SPEG: variants seen among roughly 807,000 people sequenced by gnomAD.
SPEG encodes striated muscle enriched protein kinase, also known as striated muscle preferentially expressed protein kinase.
In SPEG, 114 loss-of-function variants were observed where a neutral mutation model predicts 300.4. That is an observed-to-expected ratio of 0.38 (90% CI 0.33 to 0.44). The LOEUF is 0.44. Among genes scored for constraint, SPEG ranks in the 20% least tolerant of loss-of-function variants. The probability of loss-of-function intolerance (pLI) is 1.00; values close to 1 mark genes in which losing one functional copy is unlikely to be tolerated. For synonymous variants in SPEG, 1,964 were observed against 2,018.9 expected (o/e 0.97, Z 0.73); for missense variants, 4,201 against 4,586.2 (o/e 0.92, Z 2.43).
At position 219,477,206 on chromosome 2, in the gene SPEG, G is replaced by GGAGATGAGGCCCTGGCCCCAAGGTA. The variant is rs1435596820; in HGVS notation, c.4561-59_4561-35dup. ...GGTGAGAGATGCGCTGCCCAGAGTAGGAGATGAGGCCCTGGCCCCAAGGTA... is the reference window on the plus strand; with the variant it reads ...GGTGAGAGATGCGCTGCCCAGAGTAGGAGATGAGGCCCTGGCCCCAAGGTAGAGATGAGGCCCTGGCCCCAAGGTA... On this transcript the variant is annotated intron_variant, in intron 19 of 40. Transcript: ENST00000312358. This position sits in a 1 kb window ranked among gnomAD's most constrained non-coding sequence, Gnocchi z 6.4. 4 of 1,505,558 alleles carry GGAGATGAGGCCCTGGCCCCAAGGTA rather than the reference G, an allele frequency of 2.7e-6. No homozygotes were observed. The African/African-American group carries it at 5.6e-5, about 21-fold the overall frequency. The allele number at this position is 1,505,558 out of a possible 1,614,324, so 93.3% of individuals were successfully genotyped here.
In SPEG at chr2:219,488,887, G is replaced by A. The variant is rs773896389; in HGVS notation, c.8136G>A (p.Glu2712=). 1 of 1,584,104 alleles carries A rather than the reference G, an allele frequency of 6.3e-7. No homozygotes were observed. The highest frequency in any genetic ancestry group is 1.1e-5 in the South Asian group (1 of 87,844). ...DSRAPCTYTL[E]RRVDGESVWH... ...GGGCACCTTGCACGTATACGCTGGA[G>A]CGGCGAGTGGATGGTGAGGATGGGG... is the stretch of plus-strand genomic sequence containing the variant. The change falls in exon 34 of 41, where the codon GAG becomes GAA. Residue 2712 remains glutamate, a synonymous_variant. Transcript: ENST00000312358.
In SPEG at chr2:219,444,490, G is replaced by T. The variant is rs1247250053; in HGVS notation, c.389-163G>T. Among the ~76,000 whole-genome samples the T allele has an allele frequency of 6.6e-6, 1 of 152,170 alleles. No homozygotes were observed. Among genetic ancestry groups the T allele is most frequent in the East Asian group, 1.9e-4 (1 of 5,186 alleles). On this transcript the variant is annotated intron_variant, in intron 1 of 40. Coordinates refer to ENST00000312358, the MANE Select transcript of SPEG (RefSeq NM_005876.5). The surrounding 1 kb of genome is among the most constrained non-coding windows in gnomAD (Gnocchi z 7.8). The stretch of plus-strand genomic sequence containing the variant: ...GGCATGGGAGGGGTTATCCTGAGCA[G>T]CCCAGGCTGGGCAGGGGATGTGGGG...
At chr2:219,492,390 C>T (rs1694055121) in intron 40 of SPEG, 130 bp downstream of exon 40, 16 of 1,193,246 alleles carry the variant, frequency 1.3e-5, no homozygotes, top group Non-Finnish European at 1.9e-5. Flanking sequence ...TCATACTACC[C>T]ACCATTTAAA....
At chr2:219,461,442 A>G (rs2125396992) in intron 6 of SPEG, 40 of 1,029,082 alleles carry the variant, frequency 3.9e-5, no homozygotes, top group Non-Finnish European at 4.5e-5. Context: ...GGCCCAGCTC[A>G]CCCAAGAAAT....
chr2:219,461,976 G>A lies in SPEG; in HGVS notation c.2535G>A (p.Pro845=), dbSNP rs752578325. The A allele has an allele frequency of 6.8e-6, 11 of 1,613,418 alleles. No homozygotes were observed. In the African/African-American group the frequency reaches 9.4e-5, roughly 14 times the overall value. ...TCCCAGAGCCTGGGGAGACCTGGCC[G>A]CGAACCCCCACCATGAAGCCCAGTC... ...EEFPEPGETW[P]RTPTMKPSPS... is the part of the protein sequence containing the mutation. The change falls in exon 7 of 41, where the codon CCG becomes CCA. Residue 845 remains proline (P), a synonymous_variant. Coordinates refer to ENST00000312358, the MANE Select transcript of SPEG (RefSeq NM_005876.5).
chr2:219,448,992 C>A lies in SPEG; in HGVS notation c.1834C>A (p.Pro612Thr). 1 of 1,481,828 alleles carries A rather than the reference C, an allele frequency of 6.7e-7. No individual in the cohort carries two copies. The allele number at this position is 1,481,828 out of a possible 1,614,324, so 91.8% of individuals were successfully genotyped here. A position where few individuals can be genotyped will look rare whatever the true frequency, so the allele number is the denominator to read the frequency against. ...CATCCAGGAGTGCAGGAGCCCTGTG[C>A]CGCCCCCCGCCGCCGATCCCCCAGA... ...RAIQECRSPVPPPAADPPEAR... is the reference protein window; with the variant it reads ...RAIQECRSPVTPPAADPPEAR... Residue 612 changes from proline (P) to threonine (T), a missense_variant, in exon 4 of 41, where the codon CCG (proline) becomes ACG (threonine). Coordinates refer to ENST00000312358, the MANE Select transcript of SPEG (RefSeq NM_005876.5).
At chr2:219,461,502 C>T in intron 6 of SPEG, 2 of 1,088,730 alleles carry the variant, frequency 1.8e-6, no homozygotes, top group Non-Finnish European at 2.2e-6. Flanking sequence ...GCTTCCCCTG[C>T]TTTTGGAGCC....
In SPEG at chr2:219,492,657, G is replaced by A. The variant is rs778798360; in HGVS notation, c.9675G>A (p.Lys3225=). The change falls in exon 41 of 41, where the codon AAG becomes AAA. Residue 3225 remains lysine, a synonymous_variant. Transcript: ENST00000312358. ...GGTTGCAGGACGCCTACCTGATGAAGCTGCGCCGCCAGACGCTCACCTTCA... is the reference window on the plus strand; with the variant it reads ...GGTTGCAGGACGCCTACCTGATGAAACTGCGCCGCCAGACGCTCACCTTCA... The part of the protein sequence containing the change: ...HPWLQDAYLM[K]LRRQTLTFTT... The A allele has an allele frequency of 1.3e-5, 21 of 1,611,174 alleles. No homozygotes were observed. Among genetic ancestry groups the A allele is most frequent in the South Asian group, 2.2e-5 (2 of 91,088 alleles).
Position 219,448,984 on chromosome 2 carries a change from G to A in SPEG, c.1826G>A (p.Ser609Asn), listed in dbSNP as rs1359181180. The change falls in exon 4 of 41, where the codon AGC becomes AAC. Residue 609 changes from serine to asparagine, a missense_variant. This residue lies in a region of SPEG where 1,258 missense variants were observed against 1,293.9 expected (regional missense o/e 0.97). Coordinates refer to ENST00000312358, the MANE Select transcript of SPEG (RefSeq NM_005876.5). ...TRSRAIQECR[S>N]PVPPPAADPP... ...AGCAGAGCCATCCAGGAGTGCAGGA[G>A]CCCTGTGCCGCCCCCCGCCGCCGAT... 6.7e-7 allele frequency: 1 copy of A among 1,494,274 alleles called. No individual in the cohort carries two copies. Among genetic ancestry groups the A allele is most frequent in the Non-Finnish European group, 8.9e-7 (1 of 1,124,958 alleles). The allele number at this position is 1,494,274 out of a possible 1,614,324, so 92.6% of individuals were successfully genotyped here. A position where few individuals can be genotyped will look rare whatever the true frequency, so the allele number is the denominator to read the frequency against.
At chr2:219,469,644 C>T (rs1450407337) in intron 13 of SPEG, among the ~76,000 whole-genome samples, 1 of 152,194 alleles carries the variant, frequency 6.6e-6, no homozygotes, top group Non-Finnish European at 1.5e-5. Context: ...CGCATCGGGC[C>T]CATGAGCAAG....
chr2:219,490,358 T>C (rs763115820), intron 36 of SPEG, 51 bp from the exon 37 acceptor site: 2 of 1,577,126 alleles, frequency 1.3e-6, no homozygotes, highest in East Asian at 2.2e-5. Context: ...ACTATGGAAG[T>C]GTCCCCCTCC....
At chr2:219,488,018 C>A (rs1693601113) in intron 31 of SPEG, among the ~76,000 whole-genome samples, 176 bp from the exon 32 acceptor site, 1 of 152,118 alleles carries the variant, frequency 6.6e-6, no homozygotes, top group Non-Finnish European at 1.5e-5. Flanking sequence ...TGATGCTTGC[C>A]CCAAAGAAAA....
At chr2:219,436,860 C>T (rs1187641761) in intron 1 of SPEG, among the ~76,000 whole-genome samples, 1 of 152,146 alleles carries the variant, frequency 6.6e-6, no homozygotes, top group Non-Finnish European at 1.5e-5. Flanking sequence ...GCTCTGGTCC[C>T]CCCAGGGGCA....
chr2:219,468,792 G>A, intron 11 of SPEG, 56 bp downstream of exon 11: 4 of 1,609,404 alleles, frequency 2.5e-6, no homozygotes, highest in Non-Finnish European at 3.4e-6. Context: ...AGGCGGCGAT[G>A]GGGTGCACCC....
rs56006044 is a variant in SPEG, at chr2:219,485,447, T to C, written c.7711T>C (p.Leu2571=). The change falls in exon 31 of 41, where the codon TTG becomes CTG. Residue 2571 remains leucine, a synonymous_variant. Coordinates refer to ENST00000312358, the MANE Select transcript of SPEG (RefSeq NM_005876.5). The part of the protein sequence containing the change: ...PNLSASVQEE[L]GHQYVRSESD... The stretch of plus-strand genomic sequence containing the variant: ...CCTCTCTGCCAGCGTCCAGGAGGAG[T>C]TGGGTCACCAGTACGTGCGCAGTGA... 19 of 1,598,578 alleles carry C rather than the reference T, an allele frequency of 1.2e-5. No homozygotes were observed. The highest frequency in any genetic ancestry group is 1.6e-5 in the Non-Finnish European group (19 of 1,172,114).
rs1559418187 is a variant in SPEG at position 219,483,333 on chromosome 2, A to G, written c.5870A>G (p.Asp1957Gly). 1 of 1,606,196 alleles carries G rather than the reference A, an allele frequency of 6.2e-7. No homozygotes were observed. The highest frequency in any genetic ancestry group is 2.2e-5 in the East Asian group (1 of 44,738). Residue 1957 changes from aspartate (D) to glycine (G), a missense_variant, in exon 30 of 41, where the codon GAT (aspartate) becomes GGT (glycine). Asp to Gly is a moderately conservative substitution (Grantham distance 94). Around this residue, in one of 4 missense-constraint regions of SPEG, gnomAD observed 1,578 missense variants for 1,506.0 expected, o/e 1.05. Coordinates refer to ENST00000312358, the MANE Select transcript of SPEG (RefSeq NM_005876.5). ...TCCCTCACAGACATTCCCACTGAGG[A>G]TGAGGCCCTGGGGACCCCAGAGACT... ...RVSLTDIPTE[D>G]EALGTPETGA...
rs751645127 is a variant in SPEG at position 219,476,917 on chromosome 2, G to C, written c.4495G>C (p.Gly1499Arg). The change falls in exon 19 of 41, where the codon GGG (glycine) becomes CGG (arginine). Residue 1499 changes from glycine (G) to arginine (R), a missense_variant. This residue lies in a region of SPEG where 1,047 missense variants were observed against 1,356.8 expected (regional missense o/e 0.77). Coordinates refer to ENST00000312358, the MANE Select transcript of SPEG (RefSeq NM_005876.5). ...CATGGAGGACGTGGAGGTGGGGGCT[G>C]GGGAAACTGCTCGCTTTGCGGTGGT... ...SIMEDVEVGAGETARFAVVVE... is the reference protein window; with the variant it reads ...SIMEDVEVGARETARFAVVVE... The C allele has an allele frequency of 1.2e-6, 2 of 1,613,732 alleles. No individual in the cohort carries two copies. The highest frequency in any genetic ancestry group is 2.2e-5 in the East Asian group (1 of 44,870).
At chr2:219,482,674 C>T (rs1692961559) in intron 28 of SPEG, 110 bp from the exon 29 acceptor site, 29 of 907,434 alleles carry the variant, frequency 3.2e-5, no homozygotes, top group South Asian at 1.8e-4. Context: ...CAGTGCTGCT[C>T]GATCCACTCT....
chr2:219,472,197 C>T (rs1320733930), intron 14 of SPEG, 30 bp from the exon 15 acceptor site: 1 of 1,606,640 alleles, frequency 6.2e-7, no homozygotes, highest in Admixed American at 1.7e-5. Context: ...GGCCCTTGGA[C>T]CCAGCAGACA....
Sources: allele counts gnomAD v4.1 joint callset (sites outside exome capture counted in the v4.1 genomes callset), GRCh38; gene constraint gnomAD v4.1.1; regional missense constraint gnomAD v4.1.1; non-coding constraint Gnocchi (gnomAD v3.1); transcripts MANE v1.5; gene names NCBI Gene and HGNC (gene_info 2026-07-23, HGNC 2026-07-21).